Variants in RAB10 observed in about 807,000 individuals in gnomAD.
RAB10 encodes the protein ras-related protein Rab-10.
RAB10 carries 5 observed loss-of-function variants against 25.7 expected under a neutral mutation model. The ratio of observed to expected loss-of-function variants is 0.19; its 90% CI spans 0.10 to 0.41. The LOEUF is 0.41. Ranked by LOEUF, RAB10 falls within the 10% of genes least tolerant of loss-of-function variation. RAB10 has a pLI of 1.00. For missense variants in RAB10, 103 were observed against 245.8 expected, an observed-to-expected ratio of 0.42 and a Z score of 3.89; for synonymous variants, 89 against 86.4, an observed-to-expected ratio of 1.03 and a Z score of -0.16.
In RAB10 at chr2:26,135,271, A is replaced by G. The variant is rs1192274545; in HGVS notation, c.*250A>G. 7.5e-6 allele frequency: 3 copies of G among 399,826 alleles called. No homozygotes were observed. The highest frequency in any genetic ancestry group is 1.3e-5 in the Non-Finnish European group (3 of 223,210). 24.8% of individuals were successfully genotyped at this position (399,826 alleles called of 1,614,324 possible). On this transcript the variant is annotated 3_prime_UTR_variant, in exon 6 of 6. Transcript: ENST00000264710. ...TTTTTAAATGTACTTGCTCAGCTCA[A>G]CTGCATTTCAGTTGTATTATAGTCC...
chr2:26,091,266 C>T (rs1031993608), intron 1 of RAB10, among the ~76,000 whole-genome samples: 11 of 151,938 alleles, frequency 7.2e-5, no homozygotes, highest in African/African-American at 2.7e-4. Context: ...AATAAGGACA[C>T]GTTAAAGTTT....
chr2:26,089,465 G>A (rs12465093), intron 1 of RAB10, among the ~76,000 whole-genome samples: 1,565 of 151,776 alleles, frequency 0.01, 49 homozygotes, highest in East Asian at 0.082. Context: ...GAATTGAAGT[G>A]GTTAAGCAGT....
At chr2:26,039,926 A>G (rs1312302938) in intron 1 of RAB10, among the ~76,000 whole-genome samples, 1 of 152,090 alleles carries the variant, frequency 6.6e-6, no homozygotes, top group Middle Eastern at 3.2e-3. Flanking sequence ...AACTCATCTC[A>G]GATTAGGCGT....
chr2:26,087,403 T>G (rs565546928), intron 1 of RAB10, among the ~76,000 whole-genome samples: 1 of 152,332 alleles, frequency 6.6e-6, no homozygotes, highest in South Asian at 2.1e-4. Flanking sequence ...GCTGCTGTTG[T>G]TGGTGTTACT....
intron 3 of RAB10, among the ~76,000 whole-genome samples, chr2:26,113,107 T>G (rs2149284961): frequency 6.6e-6 from 1 of 152,114 alleles, no homozygotes; most frequent in Non-Finnish European, 1.5e-5. Context: ...AGAGGAAATC[T>G]TGTTTCTCTG....
At chr2:26,113,667 C>T (rs1354505307) in intron 3 of RAB10, among the ~76,000 whole-genome samples, 2 of 151,442 alleles carry the variant, frequency 1.3e-5, no homozygotes, top group Non-Finnish European at 2.9e-5. Flanking sequence ...GTACCTGTCC[C>T]CTAAGATCAA....
intron 1 of RAB10, among the ~76,000 whole-genome samples, chr2:26,067,542 T>A (rs1209485220): frequency 1.3e-5 from 2 of 152,214 alleles, no homozygotes; most frequent in Non-Finnish European, 2.9e-5. Context: ...CAGCCTTGAA[T>A]ATTCTCCTTC....
At chr2:26,064,742 T>C (rs1324917782) in intron 1 of RAB10, among the ~76,000 whole-genome samples, 4 of 152,218 alleles carry the variant, frequency 2.6e-5, no homozygotes, top group African/African-American at 9.6e-5. Context: ...ACCCTCTTTC[T>C]CTTTCAAGAA....
intron 1 of RAB10, among the ~76,000 whole-genome samples, chr2:26,059,459 T>A (rs186843815): frequency 6.6e-6 from 1 of 152,284 alleles, no homozygotes; most frequent in African/African-American, 2.4e-5. Flanking sequence ...AACCCTTAGT[T>A]TAGGGATTTT....
chr2:26,053,258 G>T (rs1559579348), intron 1 of RAB10, among the ~76,000 whole-genome samples: 1 of 152,122 alleles, frequency 6.6e-6, no homozygotes, highest in Non-Finnish European at 1.5e-5. Flanking sequence ...AAAATAATGA[G>T]ATTTTTGTTC....
intron 1 of RAB10, among the ~76,000 whole-genome samples, chr2:26,077,765 G>A (rs1408100317): frequency 6.6e-6 from 1 of 152,148 alleles, no homozygotes; most frequent in Non-Finnish European, 1.5e-5. Context: ...GGATCACGAG[G>A]TCAGGAGACA....
intron 3 of RAB10, among the ~76,000 whole-genome samples, chr2:26,124,293 T>G (rs917902033): frequency 6.6e-6 from 1 of 151,534 alleles, no homozygotes; most frequent in Non-Finnish European, 1.5e-5. Flanking sequence ...ATTTTATAAC[T>G]TTCCTAGTTT....
Position 26,074,543 on chromosome 2 carries a change from C to T in RAB10, c.128-24119C>T, listed in dbSNP as rs1402593758. ...AAGCAGTTCTCCTGCCTCAGCCTCC[C>T]GAGTAGCTGGGATTACAGGCATCTG... On this transcript the variant is annotated intron_variant, in intron 1 of 5. Transcript: ENST00000264710. 5.9e-5 allele frequency among the ~76,000 whole-genome samples: 9 copies of T among 152,116 alleles called. No individual in the cohort carries two copies. The South Asian group carries it at 8.3e-4, about 14-fold the overall frequency.
intron 1 of RAB10, among the ~76,000 whole-genome samples, chr2:26,056,051 C>T (rs1293874289): frequency 2.0e-5 from 3 of 151,872 alleles, no homozygotes; most frequent in South Asian, 2.1e-4. Context: ...CACACCACCA[C>T]ACCTGGATTA....
chr2:26,113,757 AAAAG>A (rs1199221167), intron 3 of RAB10, among the ~76,000 whole-genome samples: 122 of 149,306 alleles, frequency 8.2e-4, no homozygotes, highest in African/African-American at 2.8e-3. Context: ...AAAAAAAAAA[AAAAG>A]AAAGAAAGAA....
chr2:26,126,120 T>TCC (rs1667898764), intron 3 of RAB10, among the ~76,000 whole-genome samples: 1 of 152,228 alleles, frequency 6.6e-6, no homozygotes, highest in South Asian at 2.1e-4. Context: ...GACTGTCCTT[T>TCC]CCCTATTGAC....
Position 26,034,331 on chromosome 2 carries a change from G to A in RAB10, c.-278G>A. 1 of 570,522 alleles carries A rather than the reference G, an allele frequency of 1.8e-6. No individual in the cohort carries two copies. The highest frequency in any genetic ancestry group is 2.8e-5 in the East Asian group (1 of 35,454). 35.3% of individuals were successfully genotyped at this position (570,522 alleles called of 1,614,324 possible). The stretch of plus-strand genomic sequence containing the variant: ...GCGTCCCGGCCGAGAAGCCCTGAGG[G>A]GGGAGGGGAGGCCATTTTGTCCCGA... On this transcript the variant is annotated 5_prime_UTR_variant, in exon 1 of 6. Transcript: ENST00000264710.
intron 2 of RAB10, among the ~76,000 whole-genome samples, chr2:26,104,623 G>A (rs963119833): frequency 2.0e-5 from 3 of 151,970 alleles, no homozygotes; most frequent in Non-Finnish European, 4.4e-5. Flanking sequence ...GTGCTTTGGT[G>A]ACATGTGTAA....
At chr2:26,134,118 A>G (rs561200417) in intron 5 of RAB10, among the ~76,000 whole-genome samples, 3 of 152,120 alleles carry the variant, frequency 2.0e-5, no homozygotes, top group South Asian at 4.2e-4. Flanking sequence ...CGGTGTTTTT[A>G]GAGGAGTTGG....
Sources: gnomAD v4.1 joint callset for allele counts (sites outside exome capture counted in the v4.1 genomes callset) on GRCh38, gnomAD v4.1.1 for gene constraint, MANE v1.5 for transcripts, NCBI Gene and HGNC (gene_info 2026-07-23, HGNC 2026-07-21) for gene names.